EVI5: variants seen among roughly 807,000 people sequenced by gnomAD.
EVI5 encodes the protein ecotropic viral integration site 5.
Under a neutral mutation model 112.0 loss-of-function variants are expected in EVI5, and 73 were observed. That is an observed-to-expected ratio of 0.65 (90% CI 0.54 to 0.79). The LOEUF (loss-of-function observed/expected upper bound fraction) is 0.79. Among genes scored for constraint, EVI5 ranks in the 30% least tolerant of loss-of-function variants. The pLI is 0.00. For missense variants in EVI5, 900 were observed against 968.8 expected (o/e 0.93, Z 0.94); for synonymous variants, 305 against 319.9 (o/e 0.95, Z 0.50).
chr1:92,780,733 T>G (rs1684751800), intron 1 of EVI5, among the ~76,000 whole-genome samples: 1 of 151,928 alleles, frequency 6.6e-6, no homozygotes, highest in Non-Finnish European at 1.5e-5. Flanking sequence ...CTTGGCCCGG[T>G]GCAGTGGGTC....
chr1:92,771,315 TC>T (rs1389590275), intron 1 of EVI5, among the ~76,000 whole-genome samples: 2 of 152,154 alleles, frequency 1.3e-5, no homozygotes, highest in African/African-American at 4.8e-5. Flanking sequence ...ACTCCATCCT[TC>T]CTACACACAC....
chr1:92,762,591 C>T (rs559702851), intron 1 of EVI5, among the ~76,000 whole-genome samples: 56 of 152,250 alleles, frequency 3.7e-4, no homozygotes, highest in Non-Finnish European at 3.5e-4. Flanking sequence ...TATCAGAATA[C>T]GTCATGACCC....
chr1:92,629,265 T>C (rs1656354864), intron 14 of EVI5, among the ~76,000 whole-genome samples: 1 of 152,224 alleles, frequency 6.6e-6, no homozygotes. Context: ...CATTACTGAT[T>C]CTAGTTACAC....
chr1:92,742,112 CA>C (rs199531480), intron 1 of EVI5, among the ~76,000 whole-genome samples: 19 of 149,308 alleles, frequency 1.3e-4, no homozygotes, highest in Admixed American at 5.3e-4. Flanking sequence ...ATTAATAACA[CA>C]AAAAAAAACA....
At chr1:92,525,376 TCTC>T (rs1661706739) in intron 19 of EVI5, among the ~76,000 whole-genome samples, 1 of 146,526 alleles carries the variant, frequency 6.8e-6, no homozygotes, top group South Asian at 2.2e-4. Flanking sequence ...TTCAGGCAAT[TCTC>T]CTGCTCAGCC....
At chr1:92,757,398 G>T (rs201264262) in intron 1 of EVI5, among the ~76,000 whole-genome samples, 1 of 150,170 alleles carries the variant, frequency 6.7e-6, no homozygotes, top group Non-Finnish European at 1.5e-5. Flanking sequence ...TTTTGAAGAG[G>T]TTTTTTTTTA....
chr1:92,692,584 T>C (rs1417183881), intron 9 of EVI5, among the ~76,000 whole-genome samples: 1 of 152,204 alleles, frequency 6.6e-6, no homozygotes, highest in Admixed American at 6.5e-5. Flanking sequence ...AGAGATAAGG[T>C]ATCACTATGT....
intron 19 of EVI5, among the ~76,000 whole-genome samples, chr1:92,541,483 G>T (rs1173592271): frequency 1.3e-5 from 2 of 152,150 alleles, no homozygotes; most frequent in African/African-American, 4.8e-5. Context: ...TAAGAATGTG[G>T]ATAAATCAAA....
intron 2 of EVI5, among the ~76,000 whole-genome samples, chr1:92,730,074 T>C (rs909119789): frequency 3.9e-5 from 6 of 152,132 alleles, no homozygotes; most frequent in African/African-American, 7.2e-5. Context: ...AAACAAGAAA[T>C]AGAAAGAGGT....
chr1:92,683,849 G>GA (rs1465379530), intron 9 of EVI5, among the ~76,000 whole-genome samples: 4 of 151,604 alleles, frequency 2.6e-5, no homozygotes, highest in Non-Finnish European at 4.4e-5. Flanking sequence ...CAAGATGAGA[G>GA]AAAAAAAGAG....
At chr1:92,565,517 C>CA in intron 18 of EVI5, among the ~76,000 whole-genome samples, 1 of 152,228 alleles carries the variant, frequency 6.6e-6, no homozygotes, top group Non-Finnish European at 1.5e-5. Flanking sequence ...CTGTGAAAAG[C>CA]ATTTGTCAAT....
chr1:92,735,869 T>C (rs1213422255), intron 2 of EVI5, among the ~76,000 whole-genome samples: 4 of 145,812 alleles, frequency 2.7e-5, no homozygotes, highest in Non-Finnish European at 6.0e-5. Flanking sequence ...TAAATAAATA[T>C]ATAAAAGAGA....
At chr1:92,732,490 T>G (rs1676634931) in intron 2 of EVI5, 1 of 193,818 alleles carries the variant, frequency 5.2e-6, no homozygotes, top group Non-Finnish European at 1.1e-5. Context: ...GAGAAACTAT[T>G]TGCTTTCAAG....
At chr1:92,551,414 G>C (rs770980880) in intron 19 of EVI5, among the ~76,000 whole-genome samples, 1 of 152,174 alleles carries the variant, frequency 6.6e-6, no homozygotes, top group Non-Finnish European at 1.5e-5. Flanking sequence ...AAGAATGGGA[G>C]TTAGATGAAG....
intron 1 of EVI5, among the ~76,000 whole-genome samples, chr1:92,754,242 C>T (rs1680591326): frequency 6.6e-6 from 1 of 152,148 alleles, no homozygotes; most frequent in Non-Finnish European, 1.5e-5. Context: ...CACCAGAATA[C>T]TATCAATTTC....
chr1:92,515,833 G>A (rs979654436), intron 19 of EVI5, among the ~76,000 whole-genome samples: 1 of 152,128 alleles, frequency 6.6e-6, no homozygotes, highest in Non-Finnish European at 1.5e-5. Flanking sequence ...GCACTTCCCT[G>A]CTTGTATATG....
chr1:92,574,608 G>A (rs1228683423), intron 18 of EVI5, among the ~76,000 whole-genome samples: 1 of 152,146 alleles, frequency 6.6e-6, no homozygotes, highest in African/African-American at 2.4e-5. Context: ...GGGGAGGTAA[G>A]AGAAAGAAAA....
Position 92,694,331 on chromosome 1 carries a change from GT to G in EVI5, c.966del (p.Glu322AspfsTer2). On this transcript the variant is annotated frameshift_variant, in exon 8 of 20. Transcript: ENST00000684568. LOFTEE classifies it high-confidence loss of function. ...GLALLQMNQA[E>X]LMQLDMEGML... The stretch of plus-strand genomic sequence containing the variant: ...ATCCCTTCCATGTCAAGTTGCATCA[GT>G]TCTGCCTGATTCATCTGAAGAAGTG... 1 of 1,603,292 alleles carries G rather than the reference GT, an allele frequency of 6.2e-7. No individual in the cohort carries two copies. The highest frequency in any genetic ancestry group is 8.5e-7 in the Non-Finnish European group (1 of 1,171,792).
chr1:92,681,589 C>T (rs1333487032), intron 9 of EVI5, among the ~76,000 whole-genome samples: 1 of 152,124 alleles, frequency 6.6e-6, no homozygotes, highest in African/African-American at 2.4e-5. Context: ...CTTCACCTGG[C>T]CAACCTTCAT....
Sources: allele counts gnomAD v4.1 joint callset (sites outside exome capture counted in the v4.1 genomes callset), GRCh38; gene constraint gnomAD v4.1.1; transcripts MANE v1.5; gene names NCBI Gene and HGNC (gene_info 2026-07-23, HGNC 2026-07-21).